RAB14: variants seen among roughly 807,000 people sequenced by gnomAD.
RAB14 encodes the protein ras-related protein Rab-14.
A neutral mutation model predicts 31.1 loss-of-function variants in RAB14; 3 were observed. The ratio of observed to expected loss-of-function variants is 0.10; its 90% CI spans 0.04 to 0.25. The LOEUF (loss-of-function observed/expected upper bound fraction) is 0.25, where lower values mean the gene tolerates loss of function less well. RAB14 is among the 10% of genes least tolerant of loss of function. The probability of loss-of-function intolerance (pLI) is 1.00; values close to 1 mark genes in which losing one functional copy is unlikely to be tolerated. For missense variants in RAB14, 111 were observed against 260.1 expected (o/e 0.43, Z 3.94); for synonymous variants, 85 against 84.9 (o/e 1.00, Z 0.00).
In RAB14 at chr9:121,201,792, C is replaced by CA; in HGVS notation, c.-162dup. 1 of 152,688 alleles carries CA rather than the reference C, an allele frequency of 6.5e-6. No individual in the cohort carries two copies. Among genetic ancestry groups the CA allele is most frequent in the East Asian group, 1.9e-4 (1 of 5,184 alleles). The allele number at this position is 152,688 out of a possible 1,614,324, so 9.5% of individuals were successfully genotyped here. A position where few individuals can be genotyped will look rare whatever the true frequency, so the allele number is the denominator to read the frequency against. ...AGGCCGAGAGGTGCAGACGCGCCGG[C>CA]AGCAGTAGCGGCAGTAGCAGTGGCA... On this transcript the variant is annotated 5_prime_UTR_variant, in exon 1 of 8. Transcript: ENST00000373840.
At chr9:121,184,472 C>T (rs371113056) in intron 5 of RAB14, among the ~76,000 whole-genome samples, 1 of 152,136 alleles carries the variant, frequency 6.6e-6, no homozygotes, top group South Asian at 2.1e-4. Flanking sequence ...CATTTATGAG[C>T]TTATTTGACA....
chr9:121,189,603 C>G (rs2053675914), intron 4 of RAB14, among the ~76,000 whole-genome samples: 1 of 152,012 alleles, frequency 6.6e-6, no homozygotes, highest in South Asian at 2.1e-4. Context: ...AAAGTGTGTT[C>G]CTCAATAAAA....
rs182887296 is a variant in RAB14 at position 121,199,334 on chromosome 9, G to T, written c.-8+2305C>A. On this transcript the variant is annotated intron_variant, in intron 1 of 7. Coordinates refer to ENST00000373840, the MANE Select transcript of RAB14 (RefSeq NM_016322.4). Reference sequence around the variant, plus strand: ...CCTGATTTTGTATATATTTAAAATTGTCTAGAATAAGAAGCTTTTTAAAAG... The same window carrying T: ...CCTGATTTTGTATATATTTAAAATTTTCTAGAATAAGAAGCTTTTTAAAAG... Among the ~76,000 whole-genome samples the T allele has an allele frequency of 1.3e-3, 196 of 152,286 alleles. 1 individual carries two copies. Among genetic ancestry groups the T allele is most frequent in the African/African-American group, 4.5e-3 (186 of 41,560 alleles).
chr9:121,183,211 AT>A, intron 6 of RAB14, 99 bp downstream of exon 6: 1 of 980,334 alleles, frequency 1.0e-6, no homozygotes, highest in Non-Finnish European at 1.6e-6. Context: ...CTGAGTCTGC[AT>A]TTAAAAAAAA....
At chr9:121,191,107 A>T (rs1348195789) in intron 3 of RAB14, among the ~76,000 whole-genome samples, 1 of 152,142 alleles carries the variant, frequency 6.6e-6, no homozygotes, top group Non-Finnish European at 1.5e-5. Flanking sequence ...CAGTGACTGG[A>T]TTTGCCCCAC....
chr9:121,186,148 T>C (rs1369279068), intron 5 of RAB14, among the ~76,000 whole-genome samples: 4 of 152,146 alleles, frequency 2.6e-5, no homozygotes, highest in Non-Finnish European at 5.9e-5. Context: ...ACATTGTTCC[T>C]GGCATACCCT....
intron 4 of RAB14, among the ~76,000 whole-genome samples, chr9:121,188,912 C>A (rs1028105274): frequency 1.3e-5 from 2 of 152,000 alleles, no homozygotes; most frequent in Admixed American, 6.6e-5. Context: ...AATTCTAGAA[C>A]ATTTTCATCA....
rs1310643166 is a variant in RAB14, at chr9:121,201,834, T to C, written c.-203A>G. 1 of 152,386 alleles carries C rather than the reference T, an allele frequency of 6.6e-6. No individual in the cohort carries two copies. Among genetic ancestry groups the C allele is most frequent in the Non-Finnish European group, 1.5e-5 (1 of 68,198 alleles). 9.4% of individuals were successfully genotyped at this position (152,386 alleles called of 1,614,324 possible). ...GCAGTGGCAGCGGTGACTGCTCCTG[T>C]GCTCCCTCAGTATCTTCCTCGGGCT... On this transcript the variant is annotated 5_prime_UTR_variant, in exon 1 of 8. Transcript: ENST00000373840.
At chr9:121,187,241 ACAGGT>A (rs1372469975) in intron 4 of RAB14, among the ~76,000 whole-genome samples, 3 of 152,134 alleles carry the variant, frequency 2.0e-5, no homozygotes, top group East Asian at 1.9e-4. Flanking sequence ...TTTGATAATT[ACAGGT>A]CAGGAGTAAA....
intron 7 of RAB14, among the ~76,000 whole-genome samples, chr9:121,181,836 C>T (rs1381385408): frequency 1.3e-5 from 2 of 149,952 alleles, no homozygotes; most frequent in Non-Finnish European, 3.0e-5. Flanking sequence ...CAACCTCCAC[C>T]TCCCAAGTTC....
Position 121,181,302 on chromosome 9 carries a change from A to C in RAB14, c.*94T>G. 1 of 1,243,606 alleles carries C rather than the reference A, an allele frequency of 8.0e-7. No individual in the cohort carries two copies. Among genetic ancestry groups the C allele is most frequent in the Non-Finnish European group, 1.1e-6 (1 of 926,166 alleles). The allele number at this position is 1,243,606 out of a possible 1,614,324, so 77.0% of individuals were successfully genotyped here. On this transcript the variant is annotated 3_prime_UTR_variant, in exon 8 of 8. Coordinates refer to ENST00000373840, the MANE Select transcript of RAB14 (RefSeq NM_016322.4). ...TTTTTCTTTTTTTTTAATTAAACCCAGTAAGATGTACAGAAGACAATGAGG... is the reference window on the plus strand; with the variant it reads ...TTTTTCTTTTTTTTTAATTAAACCCCGTAAGATGTACAGAAGACAATGAGG...
chr9:121,190,810 T>C, intron 3 of RAB14, 79 bp from the exon 4 acceptor site: 3 of 1,389,022 alleles, frequency 2.2e-6, no homozygotes, highest in Non-Finnish European at 2.0e-6. Flanking sequence ...ATCCACTAAA[T>C]AAGCAAATGG....
intron 1 of RAB14, among the ~76,000 whole-genome samples, chr9:121,197,351 C>CACCACTGTGAAAATATACCATTTT (rs2053723554): frequency 6.6e-6 from 1 of 152,160 alleles, no homozygotes; most frequent in Non-Finnish European, 1.5e-5. Context: ...CATACCATTT[C>CACCACTGTGAAAATATACCATTTT]ACCACTGTGA....
Position 121,181,468 on chromosome 9 carries a change from G to A in RAB14, c.576C>T (p.His192=). 1 of 1,613,498 alleles carries A rather than the reference G, an allele frequency of 6.2e-7. No homozygotes were observed. Residue 192 remains histidine (H), a synonymous_variant, in exon 8 of 8, where the codon CAC becomes CAT. Coordinates refer to ENST00000373840, the MANE Select transcript of RAB14 (RefSeq NM_016322.4). The part of the protein sequence containing the change: ...DLNAAESGVQ[H]KPSAPQGGRL... ...GGCCTCCCTGCGGGGCTGAAGGTTT[G>A]TGTTGTACACCAGACTCAGCAGCAT...
chr9:121,195,337 C>A (rs1368487783), intron 1 of RAB14, among the ~76,000 whole-genome samples: 1 of 152,134 alleles, frequency 6.6e-6, no homozygotes. Context: ...ATTACTGTCT[C>A]TTCTGTGCTC....
chr9:121,192,156 A>G lies in RAB14; in HGVS notation c.106+15T>C. 1 of 1,541,384 alleles carries G rather than the reference A, an allele frequency of 6.5e-7. No homozygotes were observed. Among genetic ancestry groups the G allele is most frequent in the Non-Finnish European group, 8.9e-7 (1 of 1,119,772 alleles). On this transcript the variant is annotated intron_variant, in intron 3 of 7. Transcript: ENST00000373840. ...AAAGAAAACTATTAATGTTTACCTCATGTATTGAACTTACATTTTTTTTCT... is the reference window on the plus strand; with the variant it reads ...AAAGAAAACTATTAATGTTTACCTCGTGTATTGAACTTACATTTTTTTTCT...
intron 3 of RAB14, 29 bp from the exon 4 acceptor site, chr9:121,190,760 C>G (rs2053682052): frequency 6.2e-7 from 1 of 1,602,720 alleles, no homozygotes; most frequent in Non-Finnish European, 8.5e-7. Flanking sequence ...AGTAATAGCC[C>G]AATTTTCAGA....
At chr9:121,201,061 C>A (rs2053767862) in intron 1 of RAB14, among the ~76,000 whole-genome samples, 1 of 152,162 alleles carries the variant, frequency 6.6e-6, no homozygotes. Context: ...GACCCAGACC[C>A]CGGCCCCGGC....
At chr9:121,183,007 A>T in intron 6 of RAB14, 47 bp from the exon 7 acceptor site, 1 of 1,537,878 alleles carries the variant, frequency 6.5e-7, no homozygotes, top group South Asian at 1.2e-5. Flanking sequence ...AAACTAACTC[A>T]CAAGTGCACT....
Sources: allele counts gnomAD v4.1 joint callset (sites outside exome capture counted in the v4.1 genomes callset), GRCh38; gene constraint gnomAD v4.1.1; transcripts MANE v1.5; gene names NCBI Gene and HGNC (gene_info 2026-07-23, HGNC 2026-07-21).